The following DLG2 variants were observed in gnomAD, a reference collection of about 807,000 sequenced individuals.
DLG2 encodes the protein disks large homolog 2.
A neutral mutation model predicts 132.5 loss-of-function variants in DLG2; 45 were observed. The ratio of observed to expected loss-of-function variants is 0.34; its 90% CI spans 0.27 to 0.44. The LOEUF is 0.44. Among genes scored for constraint, DLG2 ranks in the 20% least tolerant of loss-of-function variants. DLG2 has a pLI of 1.00. For missense variants in DLG2, 1,045 were observed against 1,196.9 expected, an observed-to-expected ratio of 0.87 and a Z score of 1.87; for synonymous variants, 424 against 419.6, an observed-to-expected ratio of 1.01 and a Z score of -0.13.
intron 7 of DLG2, among the ~76,000 whole-genome samples, chr11:84,380,980 C>T (rs1392050330): frequency 6.6e-6 from 1 of 151,538 alleles, no homozygotes; most frequent in East Asian, 1.9e-4. Flanking sequence ...TAACAGTGTC[C>T]CTTAAAGTTA....
At chr11:84,871,741 T>A (rs2085490873) in intron 6 of DLG2, among the ~76,000 whole-genome samples, 1 of 152,160 alleles carries the variant, frequency 6.6e-6, no homozygotes, top group African/African-American at 2.4e-5. Context: ...ATTTATTTAA[T>A]GAGACAGAGT....
At chr11:84,817,623 G>C (rs1049255983) in intron 6 of DLG2, among the ~76,000 whole-genome samples, 1 of 151,996 alleles carries the variant, frequency 6.6e-6, no homozygotes, top group Non-Finnish European at 1.5e-5. Flanking sequence ...GTCTGGGAGA[G>C]AATGATCATA....
intron 6 of DLG2, among the ~76,000 whole-genome samples, chr11:84,862,265 A>T (rs986613969): frequency 6.6e-6 from 1 of 152,184 alleles, no homozygotes; most frequent in Admixed American, 6.5e-5. Context: ...CAAAACCACA[A>T]TGAGATACCA....
intron 7 of DLG2, among the ~76,000 whole-genome samples, chr11:84,294,414 A>G (rs1440698455): frequency 1.3e-5 from 2 of 152,152 alleles, no homozygotes; most frequent in Non-Finnish European, 2.9e-5. Context: ...CCTGACCAAC[A>G]TGGTGAAACC....
intron 5 of DLG2, among the ~76,000 whole-genome samples, chr11:85,130,491 T>C (rs1054424022): frequency 1.3e-5 from 2 of 152,142 alleles, no homozygotes; most frequent in Non-Finnish European, 2.9e-5. Flanking sequence ...AATGGAAATA[T>C]TTCTGTTTTC....
chr11:85,066,319 C>CA (rs1332306646), intron 6 of DLG2, among the ~76,000 whole-genome samples: 5 of 151,368 alleles, frequency 3.3e-5, no homozygotes, highest in Admixed American at 3.3e-4. Context: ...ACTCCCCTCC[C>CA]AAAAAAGACC....
chr11:83,607,195 T>C (rs951062578), intron 19 of DLG2, among the ~76,000 whole-genome samples: 43 of 152,342 alleles, frequency 2.8e-4, no homozygotes, highest in African/African-American at 9.9e-4. Flanking sequence ...CTGCATTTGA[T>C]TGGCCAAAAC....
At chr11:85,241,168 C>A (rs2075858818) in intron 4 of DLG2, among the ~76,000 whole-genome samples, 1 of 150,904 alleles carries the variant, frequency 6.6e-6, no homozygotes, top group Non-Finnish European at 1.5e-5. Context: ...ATAAATGGTA[C>A]CTTTTAAAAT....
chr11:83,731,462 T>A (rs532725781), intron 18 of DLG2, among the ~76,000 whole-genome samples: 1 of 152,200 alleles, frequency 6.6e-6, no homozygotes, highest in Non-Finnish European at 1.5e-5. Flanking sequence ...GCAAAGAACA[T>A]GATTTCATTC....
At chr11:84,893,996 A>G (rs1681987459) in intron 6 of DLG2, among the ~76,000 whole-genome samples, 1 of 152,178 alleles carries the variant, frequency 6.6e-6, no homozygotes, top group Admixed American at 6.5e-5. Context: ...AAGTGTTCAG[A>G]ATTTTATGAA....
intron 9 of DLG2, among the ~76,000 whole-genome samples, chr11:84,134,094 C>T (rs1566648882): frequency 6.6e-6 from 1 of 151,984 alleles, no homozygotes; most frequent in African/African-American, 2.4e-5. Flanking sequence ...GCTGGGAATT[C>T]AGCTACAAAA....
intron 6 of DLG2, among the ~76,000 whole-genome samples, chr11:85,046,455 T>C (rs1314172055): frequency 6.6e-6 from 1 of 151,920 alleles, no homozygotes; most frequent in Non-Finnish European, 1.5e-5. Context: ...GCAAAACCAA[T>C]TCATTATGAA....
At chr11:84,640,432 A>G in intron 6 of DLG2, 1 of 463,134 alleles carries the variant, frequency 2.2e-6, no homozygotes, top group South Asian at 2.1e-5. Context: ...TTTGAAGGAA[A>G]CAACATTGAG....
chr11:83,800,768 CT>C (rs2044152609), intron 17 of DLG2, among the ~76,000 whole-genome samples: 1 of 152,130 alleles, frequency 6.6e-6, no homozygotes, highest in Non-Finnish European at 1.5e-5. Context: ...TATAACTTGG[CT>C]GTCCAAACCC....
intron 6 of DLG2, among the ~76,000 whole-genome samples, chr11:84,734,784 T>C (rs913254228): frequency 2.0e-5 from 3 of 152,200 alleles, no homozygotes; most frequent in African/African-American, 7.2e-5. Context: ...TTGTCATAAA[T>C]AGCTCTTATT....
At chr11:84,726,319 G>A (rs1004158537) in intron 6 of DLG2, among the ~76,000 whole-genome samples, 5 of 152,024 alleles carry the variant, frequency 3.3e-5, no homozygotes, top group African/African-American at 1.2e-4. Context: ...CTATGTCCAC[G>A]TGTTCTCATT....
chr11:84,340,429 A>G (rs1192381909), intron 7 of DLG2, among the ~76,000 whole-genome samples: 3 of 152,220 alleles, frequency 2.0e-5, no homozygotes, highest in Non-Finnish European at 2.9e-5. Flanking sequence ...GGTTAAGTAT[A>G]ACTTCTCATA....
rs538985395 is a variant in DLG2 at position 84,213,496 on chromosome 11, A to G, written c.573+37742T>C. Reference sequence around the variant, plus strand: ...CCCAAGAGTTTATTAAAAATGTAAAATTTCCAGACTTAAGACCTACTAAAT... The same window carrying G: ...CCCAAGAGTTTATTAAAAATGTAAAGTTTCCAGACTTAAGACCTACTAAAT... On this transcript the variant is annotated intron_variant, in intron 8 of 27. Transcript: ENST00000376104. 3.9e-5 allele frequency among the ~76,000 whole-genome samples: 6 copies of G among 152,198 alleles called. 1 individual carries two copies. In the South Asian group the frequency reaches 1.2e-3, roughly 32 times the overall value.
intron 3 of DLG2, among the ~76,000 whole-genome samples, chr11:85,527,808 C>T (rs895016038): frequency 3.9e-5 from 6 of 152,144 alleles, no homozygotes; most frequent in African/African-American, 7.2e-5. Context: ...TTTACACTCC[C>T]GCCAACAATA....
Sources: allele counts gnomAD v4.1 joint callset (sites outside exome capture counted in the v4.1 genomes callset), GRCh38; gene constraint gnomAD v4.1.1; transcripts MANE v1.5; gene names NCBI Gene and HGNC (gene_info 2026-07-23, HGNC 2026-07-21).